SSR4: variants seen among roughly 807,000 people sequenced by gnomAD.
SSR4 encodes the protein signal sequence receptor subunit 4.
For synonymous variants in SSR4, 84 were observed against 65.6 expected (o/e 1.28, Z -1.35); for missense variants, 125 against 148.8 (o/e 0.84, Z 0.83).
intron 1 of SSR4, 150 bp downstream of exon 1, chrX:153,794,904 G>A: frequency 1.5e-6 from 1 of 651,090 alleles, no homozygotes; most frequent in Non-Finnish European, 2.3e-6. Context: ...TGGGACGGGG[G>A]GACCAAAGCA....
chrX:153,796,076 T>G, intron 1 of SSR4: 1 of 186,602 alleles, frequency 5.4e-6, no homozygotes, highest in Admixed American at 7.3e-5. Flanking sequence ...GTCCAGGCCG[T>G]TTGTGGCTCT....
At chrX:153,794,215 G>A (rs1557071277), upstream of SSR4, 8 of 1,161,342 alleles carry the variant, frequency 6.9e-6, no homozygotes, top group South Asian at 5.7e-5. Context: ...TGCGACCGCT[G>A]CCGCGGTCCC....
chrX:153,795,882 C>G, intron 1 of SSR4: 1 of 738,152 alleles, frequency 1.4e-6, no homozygotes, highest in East Asian at 1.5e-4. Flanking sequence ...TCACAGCTAA[C>G]AAGTTGTGCT....
At chrX:153,798,303 C>T (rs2092155352) in intron 5 of SSR4, 26 bp from the exon 6 acceptor site, 11 of 1,203,412 alleles carry the variant, frequency 9.1e-6, no homozygotes, top group Non-Finnish European at 1.2e-5. Flanking sequence ...CTCCCCTGAG[C>T]TGGCTTGTGA....
At chrX:153,795,603 C>T in intron 1 of SSR4, 1 of 729,439 alleles carries the variant, frequency 1.4e-6, no homozygotes, top group Non-Finnish European at 1.6e-6. Flanking sequence ...CCAACTTAGG[C>T]AGGACACAGA....
chrX:153,798,229 T>A, intron 5 of SSR4, 93 bp downstream of exon 5: 1 of 1,167,090 alleles, frequency 8.6e-7, no homozygotes, highest in Non-Finnish European at 1.2e-6. Context: ...GGGCCGTGAT[T>A]GGCCAGCATG....
At chrX:153,797,677 G>GT in intron 3 of SSR4, 48 bp from the exon 4 acceptor site, 1 of 1,150,058 alleles carries the variant, frequency 8.7e-7, no homozygotes, top group South Asian at 1.8e-5. Flanking sequence ...GGTCAGGGTG[G>GT]CCCCTCCGTG....
chrX:153,796,703 G>C, intron 2 of SSR4, 151 bp downstream of exon 2: 2 of 484,520 alleles, frequency 4.1e-6, no homozygotes, highest in Admixed American at 2.9e-5. Flanking sequence ...ATCCTAGCCA[G>C]TGTTGACAGG....
rs782523022 is a variant in SSR4 at position 153,794,693 on chromosome X, G to A, written c.6G>A (p.Ala2=). M[A]AMASLGALAL... is the part of the protein sequence containing the mutation. ...CTCTAGGCAGAGAAGAGGCGATGGC[G>A]GCGATGGCATCTCTCGGCGCCCTGG... The change falls in exon 1 of 6, where the codon GCG becomes GCA. Residue 2 remains alanine, a synonymous_variant. Coordinates refer to ENST00000370086, the MANE Select transcript of SSR4 (RefSeq NM_006280.3). 24 of 1,211,520 alleles carry A rather than the reference G, an allele frequency of 2.0e-5. No homozygotes were observed. In the South Asian group the frequency reaches 3.3e-4, roughly 17 times the overall value.
At chrX:153,797,268 G>A (rs1186508774) in intron 2 of SSR4, 190 bp from the exon 3 acceptor site, 7 of 448,386 alleles carry the variant, frequency 1.6e-5, no homozygotes, top group South Asian at 6.5e-5. Context: ...TTGTGCCCCC[G>A]TAGGGAAGAC....
chrX:153,795,488 C>A (rs140152980), intron 1 of SSR4: 1 of 149,616 alleles, frequency 6.7e-6, no homozygotes, highest in Non-Finnish European at 1.2e-5. Flanking sequence ...GCACACTCCT[C>A]ATCTGCCCCT....
chrX:153,796,543 C>T lies in SSR4; in HGVS notation c.177C>T (p.Asn59=). 1 of 1,197,901 alleles carries T rather than the reference C, an allele frequency of 8.3e-7. No homozygotes were observed. The highest frequency in any genetic ancestry group is 1.1e-6 in the Non-Finnish European group (1 of 884,467). Residue 59 remains asparagine (N), a synonymous_variant, in exon 2 of 6, where the codon AAC becomes AAT. Coordinates refer to ENST00000370086, the MANE Select transcript of SSR4 (RefSeq NM_006280.3). ...TGGAGATCTCCCTGACATGCAAGAACAGGGTCCAGGTGAGACAGTGGGGTT... is the reference window on the plus strand; with the variant it reads ...TGGAGATCTCCCTGACATGCAAGAATAGGGTCCAGGTGAGACAGTGGGGTT... ...FIVEISLTCK[N]RVQNMALYAD...
chrX:153,797,907 G>T, intron 4 of SSR4, 93 bp downstream of exon 4: 2 of 881,986 alleles, frequency 2.3e-6, no homozygotes, highest in African/African-American at 3.9e-5. Context: ...TGAGCTGGGT[G>T]GCCTTTCTGT....
intron 5 of SSR4, 24 bp from the exon 6 acceptor site, chrX:153,798,305 G>A (rs1386613728): frequency 8.3e-7 from 1 of 1,205,979 alleles, no homozygotes; most frequent in Non-Finnish European, 1.1e-6. Context: ...CCCCTGAGCT[G>A]GCTTGTGATC....
intron 4 of SSR4, 125 bp from the exon 5 acceptor site, chrX:153,797,946 C>A (rs2092151986): frequency 3.3e-6 from 3 of 897,953 alleles, no homozygotes; most frequent in Non-Finnish European, 4.8e-6. Flanking sequence ...GTGTCTCTTG[C>A]CCATTTCTCT....
At position 153,796,993 on chromosome X, in the gene SSR4, C is replaced by T. The variant is rs187781901; in HGVS notation, c.186+441C>T. 1.8e-3 allele frequency: 325 copies of T among 177,333 alleles called. 2 individuals carry two copies. The highest frequency in any genetic ancestry group is 8.9e-3 in the African/African-American group (298 of 33,517). 14.6% of individuals were successfully genotyped at this position (177,333 alleles called of 1,213,427 possible). On this transcript the variant is annotated intron_variant, in intron 2 of 5. Transcript: ENST00000370086. ...CCTCCCGGGTTCAAGCGATTCTCCTCTCAGTCTCCTAAGTAGCTGGGATGA... is the reference window on the plus strand; with the variant it reads ...CCTCCCGGGTTCAAGCGATTCTCCTTTCAGTCTCCTAAGTAGCTGGGATGA...
chrX:153,797,421 G>T (rs1474637650), intron 2 of SSR4, 37 bp from the exon 3 acceptor site: 5 of 1,165,971 alleles, frequency 4.3e-6, no homozygotes, highest in Admixed American at 2.2e-5. Context: ...CACCCAGAGG[G>T]GGCAGAAGGT....
At chrX:153,795,618 C>T in intron 1 of SSR4, 1 of 741,130 alleles carries the variant, frequency 1.3e-6, no homozygotes, top group Non-Finnish European at 1.6e-6. Context: ...CACAGAAGGG[C>T]TGGCGGGATC....
intron 2 of SSR4, 198 bp downstream of exon 2, chrX:153,796,750 C>T (rs982302943): frequency 9.4e-5 from 39 of 417,006 alleles, no homozygotes; most frequent in Non-Finnish European, 1.3e-4. Flanking sequence ...TGTGCCTACA[C>T]GAGGTAACCC....
Sources: gnomAD v4.1 joint callset for allele counts on GRCh38, gnomAD v4.1.1 for gene constraint, MANE v1.5 for transcripts, NCBI Gene and HGNC (gene_info 2026-07-23, HGNC 2026-07-21) for gene names.